The following GP6 variants were observed in gnomAD, a reference collection of about 807,000 sequenced individuals.
GP6 encodes the protein platelet glycoprotein VI.
In GP6, 45 loss-of-function variants were observed where a neutral mutation model predicts 37.3. The observed-to-expected ratio is 1.21, with a 90% CI of 0.95 to 1.55. GP6 has a LOEUF of 1.55. Among genes scored for constraint, GP6 ranks in the 40% most tolerant of loss-of-function variants. The probability of loss-of-function intolerance (pLI) is 0.00; values close to 1 mark genes in which losing one functional copy is unlikely to be tolerated. For synonymous variants in GP6, 340 were observed against 316.4 expected, an observed-to-expected ratio of 1.07 and a Z score of -0.79; for missense variants, 813 against 760.2, an observed-to-expected ratio of 1.07 and a Z score of -0.82.
Position 55,014,934 on chromosome 19 carries a change from C to T in GP6, c.1011G>A (p.Arg337=), listed in dbSNP as rs778426724. Reference sequence around the variant, plus strand: ...GGGGTTCAGCGGTCATGAACATAACCCGCGGCTGTGAACATCCTGTCGGCC... The same window carrying T: ...GGGGTTCAGCGGTCATGAACATAACTCGCGGCTGTGAACATCCTGTCGGCC... The change falls in exon 8 of 8, where the codon CGG becomes CGA. Residue 337 remains arginine (R), a synonymous_variant. Transcript: ENST00000310373. 2.5e-5 allele frequency: 41 copies of T among 1,613,730 alleles called. No homozygotes were observed. The highest frequency in any genetic ancestry group is 3.1e-5 in the Non-Finnish European group (37 of 1,180,004).
At position 55,023,005 on chromosome 19, in the gene GP6, A is replaced by C. The variant is rs78665623; in HGVS notation, c.664+2213T>G. Among the ~76,000 whole-genome samples the C allele has an allele frequency of 4.5e-3, 681 of 152,300 alleles. 6 individuals carry two copies. Among genetic ancestry groups the C allele is most frequent in the African/African-American group, 0.016 (650 of 41,564 alleles). On this transcript the variant is annotated intron_variant, in intron 5 of 7. Transcript: ENST00000310373. ...GACATTCCTCACACAATTAGAAAAA[A>C]CTATAAAATTCATATGGAACCAAAA...
chr19:55,023,345 G>C (rs896788622), intron 5 of GP6, among the ~76,000 whole-genome samples: 1 of 152,180 alleles, frequency 6.6e-6, no homozygotes, highest in African/African-American at 2.4e-5. Flanking sequence ...TTGAATATGT[G>C]TTCCCACCAA....
At chr19:55,017,153 G>C (rs1348194927) in intron 6 of GP6, among the ~76,000 whole-genome samples, 1 of 148,194 alleles carries the variant, frequency 6.7e-6, no homozygotes, top group African/African-American at 2.5e-5. Context: ...GTCTCACTCT[G>C]TTGCCCAGGC....
intron 3 of GP6, among the ~76,000 whole-genome samples, chr19:55,029,374 ATTTTTTTTTTTTTTTT>A (rs1160805363): frequency 0.014 from 62 of 4,412 alleles, no homozygotes; most frequent in African/African-American, 0.039. Context: ...ATATATATAT[ATTTTTTTTTTTTTTTT>A]TTTTTTTTTT....
intron 6 of GP6, among the ~76,000 whole-genome samples, chr19:55,018,216 G>A (rs1035489147): frequency 1.8e-4 from 27 of 152,228 alleles, no homozygotes; most frequent in African/African-American, 6.5e-4. Context: ...GACAGGCAAG[G>A]GGAAAGAGAC....
At chr19:55,028,721 T>G (rs1474989996) in intron 3 of GP6, among the ~76,000 whole-genome samples, 2 of 152,362 alleles carry the variant, frequency 1.3e-5, no homozygotes, top group Non-Finnish European at 2.9e-5. Flanking sequence ...AGTTGAAATC[T>G]GCACTCACAG....
rs745739794 is a variant in GP6 at position 55,027,808 on chromosome 19, C to T, written c.380G>A (p.Gly127Glu). The change falls in exon 4 of 8, where the codon GGA (glycine) becomes GAA (glutamate). Residue 127 changes from glycine (G) to glutamate (E), a missense_variant. By Grantham distance (98) the Gly-to-Glu change is moderately conservative. Coordinates refer to ENST00000310373, the MANE Select transcript of GP6 (RefSeq NM_001083899.2). ...CTGACACTGTAGGGTTACGTCCCCTCCTGACGACACCGCCGGGCCGGGCTG... is the reference window on the plus strand; with the variant it reads ...CTGACACTGTAGGGTTACGTCCCCTTCTGACGACACCGCCGGGCCGGGCTG... 1.2e-6 allele frequency: 2 copies of T among 1,614,050 alleles called. No homozygotes were observed. Among genetic ancestry groups the T allele is most frequent in the East Asian group, 2.2e-5 (1 of 44,896 alleles).
In GP6 at chr19:55,017,633, T is replaced by C. The variant is rs116837646; in HGVS notation, c.724+1019A>G. ...TGGCTGAGAACAGCATGGGAATGCG[T>C]GGAAGGTATGCAGACAAAATTGGAG... On this transcript the variant is annotated intron_variant, in intron 6 of 7. Coordinates refer to ENST00000310373, the MANE Select transcript of GP6 (RefSeq NM_001083899.2). Among the ~76,000 whole-genome samples, 1,251 of 152,090 alleles carry C rather than the reference T, an allele frequency of 8.2e-3. 16 individuals are homozygous for C. Among genetic ancestry groups the C allele is most frequent in the African/African-American group, 0.029 (1,208 of 41,468 alleles).
chr19:55,019,678 C>CTTTTTTTTTTTT (rs770367312), intron 5 of GP6, among the ~76,000 whole-genome samples: 1 of 126,754 alleles, frequency 7.9e-6, no homozygotes, highest in Non-Finnish European at 1.6e-5. Context: ...TTCTTTTTTT[C>CTTTTTTTTTTTT]TTTTTTTTTT....
chr19:55,025,566 C>T (rs1192174084), intron 4 of GP6, among the ~76,000 whole-genome samples: 4 of 152,064 alleles, frequency 2.6e-5, no homozygotes, highest in Middle Eastern at 3.4e-3. Context: ...ATTAGCCAGG[C>T]GTGGTGGTGT....
Position 55,038,219 on chromosome 19 carries a change from G to C in GP6, c.18C>G (p.Thr6=). The change falls in exon 1 of 8, where the codon ACC becomes ACG. Residue 6 remains threonine, a synonymous_variant. Transcript: ENST00000310373. ...AGGACTCACCAAGACAGAAGAGGGCGGTCGGGGATGGAGACATGGTTCCTC... is the reference window on the plus strand; with the variant it reads ...AGGACTCACCAAGACAGAAGAGGGCCGTCGGGGATGGAGACATGGTTCCTC... The C allele has an allele frequency of 1.9e-6, 3 of 1,591,612 alleles. No individual in the cohort carries two copies. The highest frequency in any genetic ancestry group is 1.3e-5 in the African/African-American group (1 of 74,874).
At position 55,032,043 on chromosome 19, in the gene GP6, G is replaced by C; in HGVS notation, c.325+96C>G. The C allele has an allele frequency of 3.2e-6, 4 of 1,268,118 alleles. No homozygotes were observed. The South Asian group carries it at 4.9e-5, about 16-fold the overall frequency. 78.6% of individuals were successfully genotyped at this position (1,268,118 alleles called of 1,614,324 possible). On this transcript the variant is annotated intron_variant, in intron 3 of 7. Transcript: ENST00000310373. ...CCACCACCCGCTAGGCCAGTGCCTCGTTTGCCTCACCCTAATCCCTGCCCT... is the reference window on the plus strand; with the variant it reads ...CCACCACCCGCTAGGCCAGTGCCTCCTTTGCCTCACCCTAATCCCTGCCCT...
chr19:55,034,444 T>C (rs1421809755), intron 1 of GP6, among the ~76,000 whole-genome samples: 1 of 151,842 alleles, frequency 6.6e-6, no homozygotes, highest in South Asian at 2.1e-4. Flanking sequence ...TAATCCTAGC[T>C]ACTGGGGAGG....
At chr19:55,019,098 C>CTTTT (rs1430710220) in intron 5 of GP6, among the ~76,000 whole-genome samples, 1 of 74,958 alleles carries the variant, frequency 1.3e-5, no homozygotes, top group Admixed American at 1.6e-4. Context: ...AGACTTCTTT[C>CTTTT]TTTTTTTTCT....
Position 55,027,710 on chromosome 19 carries a change from A to G in GP6, c.478T>C (p.Trp160Arg). The change falls in exon 4 of 8, where the codon TGG becomes CGG. Residue 160 changes from tryptophan (W) to arginine (R), a missense_variant. Transcript: ENST00000310373. ...ATGATGGGAAAACTAGCCCTGTACCATCTCTCGGGATTCTTGTAGGGCGCA... is the reference window on the plus strand; with the variant it reads ...ATGATGGGAAAACTAGCCCTGTACCGTCTCTCGGGATTCTTGTAGGGCGCA... 6.2e-7 allele frequency: 1 copy of G among 1,613,364 alleles called. No individual in the cohort carries two copies. The highest frequency in any genetic ancestry group is 1.3e-5 in the African/African-American group (1 of 75,016).
In GP6 at chr19:55,014,824, T is replaced by C. The variant is rs2073795628; in HGVS notation, c.1121A>G (p.Gln374Arg). The change falls in exon 8 of 8, where the codon CAG (glutamine) becomes CGG (arginine). Residue 374 changes from glutamine to arginine, a missense_variant. Physicochemically the swap from Gln to Arg is conservative, Grantham distance 43. Coordinates refer to ENST00000310373, the MANE Select transcript of GP6 (RefSeq NM_001083899.2). ...GCCTCGTTTCCACAGCTGTAGCCTC[T>C]GCCCTCCTGCTTCCACGCTCCACAC... is the stretch of plus-strand genomic sequence containing the variant. 1 of 1,614,054 alleles carries C rather than the reference T, an allele frequency of 6.2e-7. No individual in the cohort carries two copies. The highest frequency in any genetic ancestry group is 2.2e-5 in the East Asian group (1 of 44,882).
At chr19:55,030,639 G>A (rs961924789) in intron 3 of GP6, among the ~76,000 whole-genome samples, 24 of 151,048 alleles carry the variant, frequency 1.6e-4, no homozygotes, top group African/African-American at 3.4e-4. Context: ...CGCCGCGCCC[G>A]GCCCAACCTC....
At chr19:55,017,688 A>C (rs1230077901) in intron 6 of GP6, among the ~76,000 whole-genome samples, 1 of 152,114 alleles carries the variant, frequency 6.6e-6, no homozygotes, top group Admixed American at 6.6e-5. Context: ...ATCTAAGCTC[A>C]CAGAATAGCA....
Position 55,018,694 on chromosome 19 carries a change from C to G in GP6, c.682G>C (p.Ala228Pro), listed in dbSNP as rs781194651. 3.5e-5 allele frequency: 57 copies of G among 1,608,914 alleles called. 1 individual carries two copies. In the South Asian group the frequency reaches 5.9e-4, roughly 17 times the overall value. ...TTTGTGAATGAGACGGTCAGTTCAGCGGTGGCTTCTGAGAATTCTAAGAAA... is the reference window on the plus strand; with the variant it reads ...TTTGTGAATGAGACGGTCAGTTCAGGGGTGGCTTCTGAGAATTCTAAGAAA... Residue 228 changes from alanine (A) to proline (P), a missense_variant, in exon 6 of 8, where the codon GCT becomes CCT. Transcript: ENST00000310373.
Sources: allele counts gnomAD v4.1 joint callset (sites outside exome capture counted in the v4.1 genomes callset), GRCh38; gene constraint gnomAD v4.1.1; transcripts MANE v1.5; gene names NCBI Gene and HGNC (gene_info 2026-07-23, HGNC 2026-07-21).